LSM2: variants seen among roughly 807,000 people sequenced by gnomAD.
The protein encoded by LSM2 is LSM2 homolog, U6 small nuclear RNA and mRNA degradation associated, also known as U6 snRNA-associated Sm-like protein LSm2.
In LSM2, 12 loss-of-function variants were observed where a neutral mutation model predicts 17.0. That is an observed-to-expected ratio of 0.70 (90% CI 0.45 to 1.14). The LOEUF (loss-of-function observed/expected upper bound fraction) is 1.14, where lower values mean the gene tolerates loss of function less well. Among genes scored for constraint, LSM2 ranks in the 50% most tolerant of loss-of-function variants. LSM2 has a pLI of 0.00. For missense variants in LSM2, 62 were observed against 111.8 expected (o/e 0.55, Z 2.01); for synonymous variants, 42 against 44.5 (o/e 0.94, Z 0.22).
At chr6:31,805,516 C>T (rs930049625) in intron 2 of LSM2, among the ~76,000 whole-genome samples, 3 of 152,034 alleles carry the variant, frequency 2.0e-5, no homozygotes, top group African/African-American at 7.2e-5. Context: ...AGGCACCAGC[C>T]ACCGTGCCCG....
At chr6:31,803,202 C>CTG (rs1814819617) in intron 2 of LSM2, among the ~76,000 whole-genome samples, 1 of 152,128 alleles carries the variant, frequency 6.6e-6, no homozygotes. Context: ...GCCCTGTCAA[C>CTG]GTGTAACCCA....
chr6:31,800,510 T>C (rs1713916889), intron 2 of LSM2, among the ~76,000 whole-genome samples: 1 of 151,968 alleles, frequency 6.6e-6, no homozygotes, highest in Admixed American at 6.6e-5. Context: ...CCCAGAACTT[T>C]AGGAGGCCAA....
chr6:31,803,008 A>G (rs973721412), intron 2 of LSM2: 1 of 152,276 alleles, frequency 6.6e-6, no homozygotes, highest in African/African-American at 2.4e-5. Flanking sequence ...AGGAAGGAGA[A>G]AAGAGGAGAA....
At chr6:31,806,467 G>A (rs1581686307) in intron 1 of LSM2, 9 of 604,674 alleles carry the variant, frequency 1.5e-5, no homozygotes, top group Non-Finnish European at 1.2e-5. Flanking sequence ...TATCCCACCC[G>A]CACCCTGCCG....
At chr6:31,798,357 C>A in intron 3 of LSM2, 120 bp downstream of exon 3, 1 of 1,217,426 alleles carries the variant, frequency 8.2e-7, no homozygotes, top group Non-Finnish European at 1.2e-6. Context: ...CAGGCGTGAG[C>A]CACCGTGCCT....
At chr6:31,798,071 C>CATT (rs748684722) in intron 3 of LSM2, 22 bp from the exon 4 acceptor site, 173 of 1,520,826 alleles carry the variant, frequency 1.1e-4, no homozygotes, top group Non-Finnish European at 1.5e-4. Flanking sequence ...AGATGAACAC[C>CATT]ATTATTATTA....
intron 2 of LSM2, among the ~76,000 whole-genome samples, chr6:31,805,211 T>C (rs1455415575): frequency 6.6e-6 from 1 of 151,854 alleles, no homozygotes; most frequent in Non-Finnish European, 1.5e-5. Flanking sequence ...ACTACAGGCA[T>C]GTACACTACA....
At chr6:31,798,363 T>C (rs534270219) in intron 3 of LSM2, 114 bp downstream of exon 3, 32 of 1,297,774 alleles carry the variant, frequency 2.5e-5, no homozygotes, top group Non-Finnish European at 3.5e-5. Context: ...TGAGCCACCG[T>C]GCCTGGCCGA....
chr6:31,798,033 A>G lies in LSM2; in HGVS notation c.119T>C (p.Leu40Pro). The change falls in exon 4 of 5, where the codon CTA (leucine) becomes CCA (proline). Residue 40 changes from leucine to proline, a missense_variant. Leu to Pro is a moderately conservative substitution (Grantham distance 98, BLOSUM62 -3). Transcript: ENST00000375661. ...HSVDQYLNIKLTDISVTDPEK... is the reference protein window; with the variant it reads ...HSVDQYLNIKPTDISVTDPEK... Reference sequence around the variant, plus strand: ...AGGGTCTGTGACACTGATGTCAGTTAGTTTGATGTTGAGATACTAGGAAAG... The same window carrying G: ...AGGGTCTGTGACACTGATGTCAGTTGGTTTGATGTTGAGATACTAGGAAAG... The G allele has an allele frequency of 6.2e-7, 1 of 1,601,170 alleles. No individual in the cohort carries two copies. The highest frequency in any genetic ancestry group is 8.5e-7 in the Non-Finnish European group (1 of 1,175,542).
chr6:31,805,225 G>A (rs993294206), intron 2 of LSM2, among the ~76,000 whole-genome samples: 1 of 150,648 alleles, frequency 6.6e-6, no homozygotes, highest in African/African-American at 2.4e-5. Context: ...CACTACACCT[G>A]GCTAATTTTT....
At chr6:31,805,962 T>G in intron 2 of LSM2, 113 bp downstream of exon 2, 1 of 919,176 alleles carries the variant, frequency 1.1e-6, no homozygotes, top group Non-Finnish European at 1.7e-6. Context: ...TATCCATTTA[T>G]TTCTTCTGTA....
At chr6:31,800,008 T>C (rs978602911) in intron 2 of LSM2, among the ~76,000 whole-genome samples, 2 of 152,074 alleles carry the variant, frequency 1.3e-5, no homozygotes, top group African/African-American at 2.4e-5. Flanking sequence ...CCAGACAACA[T>C]AGCAAGACCT....
intron 2 of LSM2, among the ~76,000 whole-genome samples, chr6:31,803,172 C>T (rs1464927305): frequency 6.6e-6 from 1 of 152,148 alleles, no homozygotes; most frequent in Non-Finnish European, 1.5e-5. Flanking sequence ...GCCCTTAAGT[C>T]CCTCTCCTCA....
intron 2 of LSM2, 43 bp downstream of exon 2, chr6:31,806,032 G>A: frequency 1.3e-6 from 2 of 1,573,962 alleles, no homozygotes; most frequent in Non-Finnish European, 1.7e-6. Flanking sequence ...CCAGGGCCCT[G>A]GGCACACCCA....
rs1160703399 is a variant in LSM2, at chr6:31,798,307, T to C, written c.102+170A>G. 6.6e-5 allele frequency among the ~76,000 whole-genome samples: 10 copies of C among 152,138 alleles called. No individual in the cohort carries two copies. In the East Asian group the frequency reaches 1.3e-3, roughly 20 times the overall value. ...CATGTTTGTCAGGCTTGTCTTGAAC[T>C]CCTGACCTCAGGCCTCGGCCTCTCA... On this transcript the variant is annotated intron_variant, in intron 3 of 4. Transcript: ENST00000375661.
intron 3 of LSM2, 38 bp from the exon 4 acceptor site, chr6:31,798,087 T>TTA: frequency 6.3e-6 from 9 of 1,427,720 alleles, no homozygotes; most frequent in Admixed American, 2.7e-5. Flanking sequence ...TATTATTATT[T>TTA]TTTTTTTTTT....
chr6:31,801,755 C>A (rs536995509), intron 2 of LSM2, among the ~76,000 whole-genome samples: 1 of 152,208 alleles, frequency 6.6e-6, no homozygotes, highest in African/African-American at 2.4e-5. Context: ...AAGATCGCGC[C>A]ACCGCACTCC....
chr6:31,799,843 TTG>T (rs1310314704), intron 2 of LSM2, among the ~76,000 whole-genome samples: 3 of 152,114 alleles, frequency 2.0e-5, no homozygotes, highest in Non-Finnish European at 4.4e-5. Flanking sequence ...GAAATGCTAT[TTG>T]AGGAATGCTA....
intron 1 of LSM2, 153 bp downstream of exon 1, chr6:31,806,602 T>C: frequency 9.9e-7 from 1 of 1,013,944 alleles, no homozygotes; most frequent in South Asian, 1.4e-5. Context: ...TTGTTCTCAG[T>C]GCCTCCTCAA....
Sources: allele counts gnomAD v4.1 joint callset (sites outside exome capture counted in the v4.1 genomes callset), GRCh38; gene constraint gnomAD v4.1.1; transcripts MANE v1.5; gene names NCBI Gene and HGNC (gene_info 2026-07-23, HGNC 2026-07-21).